Variants in INPP5D observed in about 807,000 individuals in gnomAD.
The protein encoded by INPP5D is phosphatidylinositol 3,4,5-trisphosphate 5-phosphatase 1.
A neutral mutation model predicts 122.9 loss-of-function variants in INPP5D; 33 were observed. That is an observed-to-expected ratio of 0.27 (90% CI 0.20 to 0.36). The LOEUF (loss-of-function observed/expected upper bound fraction) is 0.36, where lower values mean the gene tolerates loss of function less well. INPP5D is among the 10% of genes least tolerant of loss of function. The pLI, the probability that INPP5D is intolerant of heterozygous loss-of-function variation, is 1.00. For missense variants in INPP5D, 1,053 were observed against 1,412.7 expected (o/e 0.75, Z 4.08); for synonymous variants, 584 against 576.2 (o/e 1.01, Z -0.19).
intron 6 of INPP5D, chr2:233,145,410 C>T (rs1450127681): frequency 2.0e-5 from 9 of 443,992 alleles, no homozygotes; most frequent in Admixed American, 4.8e-5. Context: ...TCCATTCTCA[C>T]GGAGCCTCCA....
At position 233,188,816 on chromosome 2, in the gene INPP5D, GC is replaced by G. The variant is rs1694982596; in HGVS notation, c.2359-1032del. On this transcript the variant is annotated intron_variant, in intron 21 of 26. Transcript: ENST00000445964. The surrounding 1 kb of genome is among the most constrained non-coding windows in gnomAD (Gnocchi z 4.7). ...GACCTCAAGTGATCCACCCACCTCG[GC>G]CTCCCAAAGTGCTGTGATTATAGGC... 6.6e-6 allele frequency among the ~76,000 whole-genome samples: 1 copy of G among 152,124 alleles called. No homozygotes were observed. Among genetic ancestry groups the G allele is most frequent in the African/African-American group, 2.4e-5 (1 of 41,430 alleles).
chr2:233,204,291 C>G lies in INPP5D; in HGVS notation c.3141C>G (p.Pro1047=), dbSNP rs768744987. ...QESPKMPRKE[P]PPCPEPGILS... ...CCCCCAAAATGCCGCGGAAGGAACCCCCGCCCTGCCCGGAACCCGGCATCT... is the reference window on the plus strand; with the variant it reads ...CCCCCAAAATGCCGCGGAAGGAACCGCCGCCCTGCCCGGAACCCGGCATCT... Residue 1047 remains proline (P), a synonymous_variant, in exon 26 of 27, where the codon CCC becomes CCG. Coordinates refer to ENST00000445964, the MANE Select transcript of INPP5D (RefSeq NM_001017915.3). The G allele has an allele frequency of 2.9e-5, 46 of 1,612,900 alleles. No individual in the cohort carries two copies. The highest frequency in any genetic ancestry group is 3.7e-5 in the Non-Finnish European group (44 of 1,179,700).
rs373488970 is a variant in INPP5D at position 233,170,555 on chromosome 2, C to T, written c.1851C>T (p.His617=). Residue 617 remains histidine (H), a synonymous_variant, in exon 16 of 27, where the codon CAC becomes CAT. Coordinates refer to ENST00000445964, the MANE Select transcript of INPP5D (RefSeq NM_001017915.3). The surrounding 1 kb of genome is among the most constrained non-coding windows in gnomAD (Gnocchi z 4.5). The part of the protein sequence containing the change: ...KQQQYADLLS[H]DQLLTERREQ... ...AGCAGTACGCAGACCTCCTGTCCCACGACCAGCTGCTCACAGAGAGGAGGG... is the reference window on the plus strand; with the variant it reads ...AGCAGTACGCAGACCTCCTGTCCCATGACCAGCTGCTCACAGAGAGGAGGG... 2.0e-5 allele frequency: 33 copies of T among 1,613,714 alleles called. No individual in the cohort carries two copies. Among genetic ancestry groups the T allele is most frequent in the East Asian group, 6.7e-5 (3 of 44,848 alleles).
At position 233,175,688 on chromosome 2, in the gene INPP5D, T is replaced by TG. The variant is rs1272959366; in HGVS notation, c.1990-1577_1990-1576insG. On this transcript the variant is annotated intron_variant, in intron 17 of 26. Transcript: ENST00000445964. ...AGAGAATGAAAATAAAAACTTTTGT[T>TG]TTTTTTTTTTTGAGATGGAGTTTTG... Among the ~76,000 whole-genome samples the TG allele has an allele frequency of 2.0e-4, 30 of 149,618 alleles. 1 individual carries two copies. The East Asian group carries it at 2.9e-3, about 14-fold the overall frequency.
intron 5 of INPP5D, among the ~76,000 whole-genome samples, chr2:233,137,850 AAAAATATATATATATATATATATAT>A (rs1693515434): frequency 1.5e-4 from 2 of 13,270 alleles, no homozygotes; most frequent in African/African-American, 4.5e-4. Flanking sequence ...AAAAAAAAAA[AAAAATATATATATATATATATATAT>A]ATATATATAT....
At chr2:233,129,318 A>C (rs1233163054) in intron 4 of INPP5D, among the ~76,000 whole-genome samples, 2 of 152,232 alleles carry the variant, frequency 1.3e-5, no homozygotes, top group Non-Finnish European at 2.9e-5. Flanking sequence ...GGGTTAATGG[A>C]GAAAATGAGC....
At chr2:233,064,834 T>C (rs2106194362) in intron 1 of INPP5D, among the ~76,000 whole-genome samples, 1 of 152,274 alleles carries the variant, frequency 6.6e-6, no homozygotes, top group Admixed American at 6.5e-5. Context: ...AAAGCTGTGG[T>C]GTGAGCGGGT....
chr2:233,156,868 G>A (rs887975976), intron 9 of INPP5D, among the ~76,000 whole-genome samples: 1 of 152,140 alleles, frequency 6.6e-6, no homozygotes, highest in African/African-American at 2.4e-5. Flanking sequence ...GGAGTGGTGG[G>A]AGCCCTCCCG....
Position 233,177,206 on chromosome 2 carries a change from A to G in INPP5D, c.1990-59A>G. 1 of 1,606,042 alleles carries G rather than the reference A, an allele frequency of 6.2e-7. No individual in the cohort carries two copies. The highest frequency in any genetic ancestry group is 8.5e-7 in the Non-Finnish European group (1 of 1,174,586). On this transcript the variant is annotated intron_variant, in intron 17 of 26. Coordinates refer to ENST00000445964, the MANE Select transcript of INPP5D (RefSeq NM_001017915.3). This position sits in a 1 kb window ranked among gnomAD's most constrained non-coding sequence, Gnocchi z 4.2. ...AGGCCACCAGTTAATCTGTTCTTTT[A>G]CTGATTAAAAAAATAATAATAAGAG...
intron 18 of INPP5D, among the ~76,000 whole-genome samples, chr2:233,179,522 AGTGG>A (rs1380219232): frequency 1.3e-5 from 2 of 152,240 alleles, no homozygotes; most frequent in African/African-American, 4.8e-5. Flanking sequence ...TCAGTCCGGA[AGTGG>A]CAATGAGGAG....
chr2:233,134,695 C>A (rs536047646), intron 5 of INPP5D, among the ~76,000 whole-genome samples: 1 of 152,194 alleles, frequency 6.6e-6, no homozygotes, highest in East Asian at 1.9e-4. Flanking sequence ...TTTGGTAACT[C>A]CTGAAATGGA....
Position 233,204,391 on chromosome 2 carries a change from C to G in INPP5D, c.3241C>G (p.Pro1081Ala). 1 of 1,610,448 alleles carries G rather than the reference C, an allele frequency of 6.2e-7. No individual in the cohort carries two copies. Among genetic ancestry groups the G allele is most frequent in the Non-Finnish European group, 8.5e-7 (1 of 1,178,636 alleles). ...GGGGCCCGGCAAGCAGGTGCCCGCGCCCCGGCTGCGCTCCTTCACGTGCTC... is the reference window on the plus strand; with the variant it reads ...GGGGCCCGGCAAGCAGGTGCCCGCGGCCCGGCTGCGCTCCTTCACGTGCTC... ...GEGPGKQVPA[P>A]RLRSFTCSSS... Residue 1081 changes from proline to alanine, a missense_variant, in exon 26 of 27, where the codon CCC (proline) becomes GCC (alanine). Physicochemically the swap from Pro to Ala is conservative, Grantham distance 27. Around this residue, in one of 6 missense-constraint regions of INPP5D, gnomAD observed 417 missense variants for 425.8 expected, o/e 0.98. Coordinates refer to ENST00000445964, the MANE Select transcript of INPP5D (RefSeq NM_001017915.3).
chr2:233,060,387 G>A lies in INPP5D; in HGVS notation c.-92G>A, dbSNP rs563630030. On this transcript the variant is annotated 5_prime_UTR_variant, in exon 1 of 27. Coordinates refer to ENST00000445964, the MANE Select transcript of INPP5D (RefSeq NM_001017915.3). ...CCGAGGCCACCAAGAGGCAACGGGC[G>A]GCAGGTTGCAGTGGAGGGGCCTCCG... 63 of 1,411,318 alleles carry A rather than the reference G, an allele frequency of 4.5e-5. 1 individual carries two copies. The South Asian group carries it at 4.7e-4, about 10-fold the overall frequency. 87.4% of individuals were successfully genotyped at this position (1,411,318 alleles called of 1,614,324 possible).
intron 17 of INPP5D, 25 bp downstream of exon 17, chr2:233,171,177 C>T: frequency 6.2e-7 from 1 of 1,612,048 alleles, no homozygotes. Context: ...TAGACACCTT[C>T]CCTGCCCTCC....
At chr2:233,194,254 C>T (rs974659627) in intron 23 of INPP5D, among the ~76,000 whole-genome samples, 41 of 152,252 alleles carry the variant, frequency 2.7e-4, no homozygotes, top group African/African-American at 9.6e-4. Context: ...TTAGCACCTC[C>T]ACTAAAAGAA....
chr2:233,103,946 A>T (rs1692391658), intron 2 of INPP5D, among the ~76,000 whole-genome samples: 2 of 141,980 alleles, frequency 1.4e-5, no homozygotes, highest in African/African-American at 2.7e-5. Flanking sequence ...ACCTCAAATG[A>T]TCCACCTGCC....
chr2:233,068,144 C>A (rs942421110), intron 1 of INPP5D, among the ~76,000 whole-genome samples: 1 of 151,954 alleles, frequency 6.6e-6, no homozygotes, highest in Non-Finnish European at 1.5e-5. Flanking sequence ...AATTAGCCTG[C>A]GATGGTGGCA....
rs1413210040 is a variant in INPP5D at position 233,189,423 on chromosome 2, G to A, written c.2359-427G>A. 6.6e-6 allele frequency among the ~76,000 whole-genome samples: 1 copy of A among 152,208 alleles called. No individual in the cohort carries two copies. Among genetic ancestry groups the A allele is most frequent in the Non-Finnish European group, 1.5e-5 (1 of 68,028 alleles). On this transcript the variant is annotated intron_variant, in intron 21 of 26. Coordinates refer to ENST00000445964, the MANE Select transcript of INPP5D (RefSeq NM_001017915.3). This position sits in a 1 kb window ranked among gnomAD's most constrained non-coding sequence, Gnocchi z 5.6. Reference sequence around the variant, plus strand: ...GGAGGGGGCCAAGGAGAAATTCTGTGCTCTGTAGGGGGAGCCTGGCGCAGG... The same window carrying A: ...GGAGGGGGCCAAGGAGAAATTCTGTACTCTGTAGGGGGAGCCTGGCGCAGG...
intron 13 of INPP5D, chr2:233,169,051 C>T: frequency 4.2e-6 from 2 of 473,800 alleles, no homozygotes. Context: ...GAGAGAGATG[C>T]CGGGGGAGGA....
Sources: gnomAD v4.1 joint callset for allele counts (sites outside exome capture counted in the v4.1 genomes callset) on GRCh38, gnomAD v4.1.1 for gene constraint, gnomAD v4.1.1 regional missense constraint, Gnocchi (gnomAD v3.1) non-coding constraint, MANE v1.5 for transcripts, NCBI Gene and HGNC (gene_info 2026-07-23, HGNC 2026-07-21) for gene names.